ARHGAP15: variants seen among roughly 807,000 people sequenced by gnomAD.
ARHGAP15 encodes rho GTPase-activating protein 15.
ARHGAP15 carries 51 observed loss-of-function variants against 63.7 expected under a neutral mutation model. That is an observed-to-expected ratio of 0.80 (90% CI 0.64 to 1.01). The LOEUF (loss-of-function observed/expected upper bound fraction) is 1.01. ARHGAP15 is among the 50% of genes least tolerant of loss of function. ARHGAP15 has a pLI of 0.00. For synonymous variants in ARHGAP15, 191 were observed against 193.8 expected, an observed-to-expected ratio of 0.99 and a Z score of 0.12; for missense variants, 560 against 564.6, an observed-to-expected ratio of 0.99 and a Z score of 0.08.
intron 12 of ARHGAP15, among the ~76,000 whole-genome samples, chr2:143,631,788 C>T (rs1021813994): frequency 6.6e-6 from 1 of 152,020 alleles, no homozygotes; most frequent in Non-Finnish European, 1.5e-5. Context: ...TTCAGAAGAG[C>T]AGACATTTTT....
intron 10 of ARHGAP15, among the ~76,000 whole-genome samples, chr2:143,549,912 G>A (rs1428243188): frequency 2.0e-5 from 3 of 152,144 alleles, no homozygotes; most frequent in African/African-American, 7.2e-5. Context: ...GACAAGTTGT[G>A]GGGAGGGAGA....
rs1456237905 is a variant in ARHGAP15 at position 143,539,223 on chromosome 2, AT to A, written c.926-17184del. Among the ~76,000 whole-genome samples, 7 of 152,166 alleles carry A rather than the reference AT, an allele frequency of 4.6e-5. No homozygotes were observed. The South Asian group carries it at 8.3e-4, about 18-fold the overall frequency. On this transcript the variant is annotated intron_variant, in intron 10 of 13. Coordinates refer to ENST00000295095, the MANE Select transcript of ARHGAP15 (RefSeq NM_018460.4). ...TTGTGTTTCTGTTGGATTGGTAGTG[AT>A]ATCCCCTTTGTCATTTTTTATTGCG... is the stretch of plus-strand genomic sequence containing the variant.
intron 6 of ARHGAP15, among the ~76,000 whole-genome samples, chr2:143,389,452 C>T (rs1263867969): frequency 6.6e-6 from 1 of 152,150 alleles, no homozygotes; most frequent in Non-Finnish European, 1.5e-5. Context: ...ATAAATGTTT[C>T]ATAACAACCA....
chr2:143,268,505 A>G (rs541310398), intron 6 of ARHGAP15, among the ~76,000 whole-genome samples: 30 of 152,244 alleles, frequency 2.0e-4, no homozygotes, highest in Admixed American at 1.1e-3. Context: ...GAACAAGTAA[A>G]AGATTTTTTG....
intron 6 of ARHGAP15, among the ~76,000 whole-genome samples, chr2:143,413,966 T>TGTGTGTGCGCGCGCGCGCGCGCACGC: frequency 3.4e-5 from 4 of 117,910 alleles, no homozygotes; most frequent in African/African-American, 1.1e-4. Context: ...TGTGTGTGTG[T>TGTGTGTGCGCGCGCGCGCGCGCACGC]GCGCGCTCTC....
At position 143,469,965 on chromosome 2, in the gene ARHGAP15, T is replaced by TC. The variant is rs572606251; in HGVS notation, c.704-17408_704-17407insC. Among the ~76,000 whole-genome samples the TC allele has an allele frequency of 3.5e-3, 529 of 151,246 alleles. 6 individuals carry two copies. The highest frequency in any genetic ancestry group is 6.2e-3 in the Non-Finnish European group (418 of 67,738). On this transcript the variant is annotated intron_variant, in intron 8 of 13. Coordinates refer to ENST00000295095, the MANE Select transcript of ARHGAP15 (RefSeq NM_018460.4). ...ACTCTCTCACTCTCTCTCTTTTTTT[T>TC]TCTCTCTCTCTCTCTCCATAATTGT...
chr2:143,574,059 C>T (rs535397060), intron 11 of ARHGAP15, among the ~76,000 whole-genome samples: 6 of 152,172 alleles, frequency 3.9e-5, no homozygotes, highest in East Asian at 1.9e-4. Context: ...TGTAGCCAAA[C>T]GAAATCACCT....
At chr2:143,231,010 G>C (rs1484288924) in intron 5 of ARHGAP15, among the ~76,000 whole-genome samples, 1 of 149,374 alleles carries the variant, frequency 6.7e-6, no homozygotes, top group Non-Finnish European at 1.5e-5. Flanking sequence ...GCAGCAGTGA[G>C]ACAAGGCAAC....
chr2:143,724,416 C>T (rs543613367), intron 13 of ARHGAP15, among the ~76,000 whole-genome samples: 5 of 152,274 alleles, frequency 3.3e-5, no homozygotes, highest in Admixed American at 6.5e-5. Flanking sequence ...TGTTTCTTAC[C>T]GCCCTGTCAG....
chr2:143,556,491 T>G lies in ARHGAP15; in HGVS notation c.1003+6T>G, dbSNP rs373159939. ...AAGATTTATTGTCAACCAAGGTAAG[T>G]GATTTCCACTTCAGAGATTTTTTCA... On this transcript the variant is annotated splice_donor_region_variant and intron_variant, in intron 11 of 13. Transcript: ENST00000295095. 22 of 1,608,870 alleles carry G rather than the reference T, an allele frequency of 1.4e-5. No individual in the cohort carries two copies. The African/African-American group carries it at 2.1e-4, about 16-fold the overall frequency.
intron 9 of ARHGAP15, among the ~76,000 whole-genome samples, chr2:143,492,543 G>T (rs1383377847): frequency 6.6e-6 from 1 of 152,306 alleles, no homozygotes; most frequent in East Asian, 1.9e-4. Context: ...AGGACTGCCT[G>T]AGGTCAGGGT....
At chr2:143,142,039 C>A (rs1030507518) in intron 1 of ARHGAP15, among the ~76,000 whole-genome samples, 1 of 152,016 alleles carries the variant, frequency 6.6e-6, no homozygotes, top group Admixed American at 6.6e-5. Flanking sequence ...GATCAGTTTG[C>A]CACATTTTAT....
At chr2:143,556,969 T>A (rs937126426) in intron 11 of ARHGAP15, among the ~76,000 whole-genome samples, 1 of 152,122 alleles carries the variant, frequency 6.6e-6, no homozygotes, top group East Asian at 1.9e-4. Context: ...TACACACCTG[T>A]TAGAATGGCT....
chr2:143,496,629 C>A (rs550221044), intron 9 of ARHGAP15, among the ~76,000 whole-genome samples: 25 of 152,144 alleles, frequency 1.6e-4, no homozygotes, highest in Admixed American at 1.4e-3. Context: ...TGTTAGCAAA[C>A]AACAATGATA....
chr2:143,436,827 A>G (rs933173727), intron 7 of ARHGAP15, 86 bp from the exon 8 acceptor site: 4 of 1,462,706 alleles, frequency 2.7e-6, no homozygotes, highest in Admixed American at 2.2e-5. Context: ...AAATTTCCCC[A>G]TAAACAGCAA....
intron 12 of ARHGAP15, among the ~76,000 whole-genome samples, chr2:143,684,357 G>C (rs552931718): frequency 6.6e-6 from 1 of 152,072 alleles, no homozygotes; most frequent in Non-Finnish European, 1.5e-5. Flanking sequence ...GGGGGTTAAG[G>C]GTGTTTCTGC....
At chr2:143,241,145 T>C (rs1392610196) in intron 5 of ARHGAP15, among the ~76,000 whole-genome samples, 6 of 152,152 alleles carry the variant, frequency 3.9e-5, no homozygotes, top group African/African-American at 1.4e-4. Context: ...ATTTATAGAG[T>C]ATATGTATAG....
chr2:143,470,023 C>T (rs970060846), intron 8 of ARHGAP15, among the ~76,000 whole-genome samples: 1 of 151,704 alleles, frequency 6.6e-6, no homozygotes, highest in African/African-American at 2.4e-5. Flanking sequence ...TCATCCTCAT[C>T]CTATTTATTG....
intron 12 of ARHGAP15, among the ~76,000 whole-genome samples, chr2:143,672,652 G>A (rs917206519): frequency 2.6e-5 from 4 of 152,218 alleles, no homozygotes; most frequent in African/African-American, 9.6e-5. Flanking sequence ...AGACAGTCCA[G>A]TATGAGACTG....
Sources: allele counts gnomAD v4.1 joint callset (sites outside exome capture counted in the v4.1 genomes callset), GRCh38; gene constraint gnomAD v4.1.1; transcripts MANE v1.5; gene names NCBI Gene and HGNC (gene_info 2026-07-23, HGNC 2026-07-21).